Variants in CREM observed in about 807,000 individuals in gnomAD.
The protein encoded by CREM is cAMP-responsive element modulator.
CREM carries 13 observed loss-of-function variants against 37.3 expected under a neutral mutation model. The observed-to-expected ratio is 0.35, with a 90% CI of 0.23 to 0.55. The LOEUF is 0.55. CREM is among the 20% of genes least tolerant of loss of function. CREM has a pLI of 0.88. For missense variants in CREM, 296 were observed against 362.3 expected, an observed-to-expected ratio of 0.82 and a Z score of 1.49; for synonymous variants, 124 against 120.2, an observed-to-expected ratio of 1.03 and a Z score of -0.21.
intron 3 of CREM, among the ~76,000 whole-genome samples, chr10:35,172,152 A>G (rs1201483905): frequency 6.6e-6 from 1 of 152,078 alleles, no homozygotes; most frequent in Non-Finnish European, 1.5e-5. Flanking sequence ...TGTTTTATGT[A>G]GTTATAAAGC....
intron 3 of CREM, among the ~76,000 whole-genome samples, chr10:35,177,844 G>A (rs1589974010): frequency 6.6e-6 from 1 of 152,134 alleles, no homozygotes; most frequent in Non-Finnish European, 1.5e-5. Flanking sequence ...TGACAGCCCG[G>A]TGTAAAATGA....
At chr10:35,129,769 A>G (rs1046277824) in intron 1 of CREM, among the ~76,000 whole-genome samples, 1 of 152,264 alleles carries the variant, frequency 6.6e-6, no homozygotes, top group Admixed American at 6.5e-5. Context: ...TTGATAAGGA[A>G]ATAAGCCTGA....
At chr10:35,194,130 A>AAAAAAAAAAG (rs2095047760) in intron 6 of CREM, among the ~76,000 whole-genome samples, 1 of 150,646 alleles carries the variant, frequency 6.6e-6, no homozygotes. Context: ...AAAAAGACAA[A>AAAAAAAAAAG]AGGTCTCAGT....
At chr10:35,151,917 G>A (rs1383225076) in intron 3 of CREM, among the ~76,000 whole-genome samples, 1 of 152,148 alleles carries the variant, frequency 6.6e-6, no homozygotes, top group Non-Finnish European at 1.5e-5. Context: ...TCGTTTATGA[G>A]TATTGTTACT....
intron 2 of CREM, among the ~76,000 whole-genome samples, chr10:35,147,036 T>C (rs2092189502): frequency 6.9e-6 from 1 of 145,892 alleles, no homozygotes; most frequent in East Asian, 2.1e-4. Flanking sequence ...CTATAAGTTT[T>C]TTGGGTTTTT....
At chr10:35,140,884 G>A (rs894340984) in intron 2 of CREM, among the ~76,000 whole-genome samples, 3 of 152,166 alleles carry the variant, frequency 2.0e-5, no homozygotes, top group Non-Finnish European at 4.4e-5. Context: ...CTGATTAGGA[G>A]GCTGGCATGC....
chr10:35,148,687 C>T (rs2092354903), intron 3 of CREM, 196 bp downstream of exon 3: 2 of 535,478 alleles, frequency 3.7e-6, no homozygotes, highest in Admixed American at 3.9e-5. Flanking sequence ...AGTGCCCCAT[C>T]TCCATTGCCA....
At chr10:35,140,898 G>A (rs1025664905) in intron 2 of CREM, among the ~76,000 whole-genome samples, 6 of 152,296 alleles carry the variant, frequency 3.9e-5, no homozygotes, top group South Asian at 2.1e-4. Flanking sequence ...GGCATGCAGC[G>A]TGTTGGAAAG....
intron 3 of CREM, among the ~76,000 whole-genome samples, chr10:35,168,871 T>C (rs967093084): frequency 2.3e-4 from 35 of 152,348 alleles, no homozygotes; most frequent in Admixed American, 4.6e-4. Flanking sequence ...TCCCCATTTC[T>C]TGTTTTTGTC....
chr10:35,163,490 C>T (rs888910470), intron 3 of CREM, among the ~76,000 whole-genome samples: 1 of 152,050 alleles, frequency 6.6e-6, no homozygotes, highest in African/African-American at 2.4e-5. Context: ...TCGAGACCAG[C>T]CTGTACAACA....
At chr10:35,189,177 G>GTTTTTTTTT (rs201302253) in intron 6 of CREM, among the ~76,000 whole-genome samples, 4 of 144,284 alleles carry the variant, frequency 2.8e-5, no homozygotes, top group Non-Finnish European at 6.2e-5. Flanking sequence ...TGGGTTTTTT[G>GTTTTTTTTT]TTTTTTTTTG....
At chr10:35,133,995 A>C (rs2089950122) in intron 1 of CREM, among the ~76,000 whole-genome samples, 2 of 151,728 alleles carry the variant, frequency 1.3e-5, no homozygotes. Context: ...ATATATACCT[A>C]GTTTTTCCAG....
At position 35,207,006 on chromosome 10, in the gene CREM, CAGA is replaced by C; in HGVS notation, c.716_718del (p.Glu239del). On this transcript the variant is annotated inframe_deletion, in exon 7 of 8. Coordinates refer to ENST00000685392, the MANE Select transcript of CREM (RefSeq NM_183011.2). Reference sequence around the variant, plus strand: ...AGTTTGCACAGTCCCCAGCAGCTGGCAGAAGAAGCAACACGCAAACGAGAGCTG... The same window carrying C: ...AGTTTGCACAGTCCCCAGCAGCTGGCAGAAGCAACACGCAAACGAGAGCTG... The C allele has an allele frequency of 2.5e-6, 4 of 1,613,964 alleles. No homozygotes were observed. The highest frequency in any genetic ancestry group is 2.5e-6 in the Non-Finnish European group (3 of 1,179,976).
chr10:35,179,563 C>G (rs878871924), intron 5 of CREM: 1 of 344,800 alleles, frequency 2.9e-6, no homozygotes, highest in Admixed American at 4.5e-5. Flanking sequence ...TCTAGTAAAA[C>G]ATTGTTTTTG....
chr10:35,128,480 GTTGTTTTT>G lies in CREM; in HGVS notation c.-55+1297_-55+1304del, dbSNP rs2088502228. ...GAATAAACCACGCTGTTTTTTATTT[GTTGTTTTT>G]TTGTTTTTTGCTTTGAGCGCCACGT... On this transcript the variant is annotated intron_variant, in intron 1 of 7. Transcript: ENST00000685392. Among the ~76,000 whole-genome samples, 8 of 149,066 alleles carry G rather than the reference GTTGTTTTT, an allele frequency of 5.4e-5. No individual in the cohort carries two copies. The South Asian group carries it at 1.7e-3, about 32-fold the overall frequency.
chr10:35,204,937 A>G (rs1294759048), intron 6 of CREM, among the ~76,000 whole-genome samples: 1 of 152,228 alleles, frequency 6.6e-6, no homozygotes, highest in African/African-American at 2.4e-5. Context: ...CATTGGGTAT[A>G]ATACATTTTC....
intron 2 of CREM, among the ~76,000 whole-genome samples, chr10:35,140,414 C>T (rs1039914641): frequency 2.0e-5 from 3 of 152,166 alleles, no homozygotes; most frequent in Admixed American, 1.3e-4. Context: ...TTTCATCCCT[C>T]ATCATGCTAC....
chr10:35,165,370 C>T (rs2093498844), intron 3 of CREM, among the ~76,000 whole-genome samples: 1 of 152,234 alleles, frequency 6.6e-6, no homozygotes, highest in Non-Finnish European at 1.5e-5. Flanking sequence ...CAAACACCTC[C>T]CACAAGGCCC....
At chr10:35,163,826 A>C (rs2093409413) in intron 3 of CREM, among the ~76,000 whole-genome samples, 1 of 152,070 alleles carries the variant, frequency 6.6e-6, no homozygotes, top group Non-Finnish European at 1.5e-5. Context: ...CGTCTCCAAA[A>C]AACAAAAAAC....
Sources: allele counts gnomAD v4.1 joint callset (sites outside exome capture counted in the v4.1 genomes callset), GRCh38; gene constraint gnomAD v4.1.1; transcripts MANE v1.5; gene names NCBI Gene and HGNC (gene_info 2026-07-23, HGNC 2026-07-21).